The following RTN1 variants were observed in gnomAD, a reference collection of about 807,000 sequenced individuals.
The protein encoded by RTN1 is reticulon-1.
A neutral mutation model predicts 65.5 loss-of-function variants in RTN1; 25 were observed. The ratio of observed to expected loss-of-function variants is 0.38; its 90% CI spans 0.28 to 0.53. The LOEUF (loss-of-function observed/expected upper bound fraction) is 0.53. Ranked by LOEUF, RTN1 falls within the 20% of genes least tolerant of loss-of-function variation. The probability of loss-of-function intolerance (pLI) is 0.79; values close to 1 mark genes in which losing one functional copy is unlikely to be tolerated. For synonymous variants in RTN1, 471 were observed against 447.6 expected, an observed-to-expected ratio of 1.05 and a Z score of -0.66; for missense variants, 983 against 1,025.4, an observed-to-expected ratio of 0.96 and a Z score of 0.57.
chr14:59,787,288 G>A (rs576897465), intron 1 of RTN1, among the ~76,000 whole-genome samples: 2 of 152,222 alleles, frequency 1.3e-5, no homozygotes, highest in East Asian at 3.9e-4. Context: ...GCTCACTAGG[G>A]CTTGAATCCT....
In RTN1 at chr14:59,853,863, CTT is replaced by C. The variant is rs71111670; in HGVS notation, c.241+16525_241+16526del. On this transcript the variant is annotated intron_variant, in intron 1 of 8. Coordinates refer to ENST00000267484, the MANE Select transcript of RTN1 (RefSeq NM_021136.3). ...TGCAATTATCCCTATTAAACTTTTA[CTT>C]TTTTTTTTTTTTTTTTTGAGAGGGA... Among the ~76,000 whole-genome samples, 191 of 126,660 alleles carry C rather than the reference CTT, an allele frequency of 1.5e-3. 2 individuals carry two copies. The Middle Eastern group carries it at 0.022, about 15-fold the overall frequency. The allele number at this position is 126,660 out of a possible 152,430, so 83.1% of individuals were successfully genotyped here. A position where few individuals can be genotyped will look rare whatever the true frequency, so the allele number is the denominator to read the frequency against.
chr14:59,750,339 AT>A (rs1437414539), intron 1 of RTN1, among the ~76,000 whole-genome samples: 2 of 1,250 alleles, frequency 1.6e-3, no homozygotes, highest in Non-Finnish European at 4.3e-3. Context: ...AATATATTAT[AT>A]CTATAATATA....
At chr14:59,638,999 A>G (rs1566669168) in intron 3 of RTN1, among the ~76,000 whole-genome samples, 1 of 152,358 alleles carries the variant, frequency 6.6e-6, no homozygotes, top group East Asian at 1.9e-4. Flanking sequence ...CGTTTGATTT[A>G]AAGTGAGAGA....
chr14:59,789,076 CATTAAAA>C (rs1192510932), intron 1 of RTN1, among the ~76,000 whole-genome samples: 2 of 151,942 alleles, frequency 1.3e-5, no homozygotes, highest in Non-Finnish European at 2.9e-5. Flanking sequence ...ATTTGATTAT[CATTAAAA>C]GTATGTTCTT....
intron 3 of RTN1, among the ~76,000 whole-genome samples, chr14:59,623,002 C>T (rs1304417471): frequency 6.6e-6 from 1 of 152,182 alleles, no homozygotes; most frequent in Non-Finnish European, 1.5e-5. Flanking sequence ...ACACATTAAG[C>T]CTGGTGCTTT....
chr14:59,610,111 T>C, intron 3 of RTN1: 1 of 777,374 alleles, frequency 1.3e-6, no homozygotes, highest in Non-Finnish European at 2.4e-6. Context: ...TCTGAATGAA[T>C]TGCTTTATAC....
intron 3 of RTN1, among the ~76,000 whole-genome samples, chr14:59,686,593 C>A (rs1173810897): frequency 6.6e-6 from 1 of 152,132 alleles, no homozygotes; most frequent in Non-Finnish European, 1.5e-5. Context: ...AAGGACACCC[C>A]AGATCTCTAG....
intron 1 of RTN1, among the ~76,000 whole-genome samples, chr14:59,769,762 A>G (rs1490321431): frequency 1.3e-5 from 2 of 152,206 alleles, no homozygotes; most frequent in African/African-American, 4.8e-5. Context: ...GCTGCCCTCC[A>G]GGAGTTTACA....
rs550026432 is a variant in RTN1, at chr14:59,846,904, T to C, written c.241+23486A>G. ...CAGGAATAATCTGGAGGCTTAAAGA[T>C]AAATGCAAATGAAGAGCTCTGTACC... On this transcript the variant is annotated intron_variant, in intron 1 of 8. Transcript: ENST00000267484. This position sits in a 1 kb window ranked among gnomAD's most constrained non-coding sequence, Gnocchi z 4.8. Among the ~76,000 whole-genome samples, 1 of 152,268 alleles carries C rather than the reference T, an allele frequency of 6.6e-6. No individual in the cohort carries two copies. Among genetic ancestry groups the C allele is most frequent in the South Asian group, 2.1e-4 (1 of 4,826 alleles).
At chr14:59,643,967 T>C (rs1042421293) in intron 3 of RTN1, among the ~76,000 whole-genome samples, 1 of 152,152 alleles carries the variant, frequency 6.6e-6, no homozygotes, top group Non-Finnish European at 1.5e-5. Context: ...GCAGCTACTA[T>C]GAATATGTTC....
At chr14:59,649,603 A>C (rs1882980268) in intron 3 of RTN1, among the ~76,000 whole-genome samples, 1 of 152,368 alleles carries the variant, frequency 6.6e-6, no homozygotes, top group African/African-American at 2.4e-5. Context: ...ATGAACAGAC[A>C]CTTCTCAAAA....
chr14:59,771,092 T>C (rs1190488928), intron 1 of RTN1, among the ~76,000 whole-genome samples: 2 of 152,120 alleles, frequency 1.3e-5, no homozygotes, highest in African/African-American at 4.8e-5. Flanking sequence ...CCTTTCTATA[T>C]CAAAGTCATC....
rs148517298 is a variant in RTN1, at chr14:59,811,543, C to T, written c.241+58847G>A. ...TGTCAGGTCATCACAACTAGCAAGG[C>T]ATTTAAAAACTGGATATCCTAAACA... is the stretch of plus-strand genomic sequence containing the variant. On this transcript the variant is annotated intron_variant, in intron 1 of 8. Coordinates refer to ENST00000267484, the MANE Select transcript of RTN1 (RefSeq NM_021136.3). Among the ~76,000 whole-genome samples, 8 of 152,280 alleles carry T rather than the reference C, an allele frequency of 5.3e-5. No homozygotes were observed. In the East Asian group the frequency reaches 1.5e-3, roughly 29 times the overall value.
chr14:59,716,952 A>T (rs908566645), intron 3 of RTN1, among the ~76,000 whole-genome samples: 3 of 150,732 alleles, frequency 2.0e-5, no homozygotes, highest in Non-Finnish European at 4.4e-5. Flanking sequence ...TGGGCAACAG[A>T]GCGAGACTCC....
At chr14:59,707,448 T>C (rs1165603482) in intron 3 of RTN1, among the ~76,000 whole-genome samples, 2 of 152,226 alleles carry the variant, frequency 1.3e-5, no homozygotes, top group African/African-American at 4.8e-5. Context: ...TGTTTATTTG[T>C]ATACTATTAG....
chr14:59,701,481 T>C (rs1254220915), intron 3 of RTN1, among the ~76,000 whole-genome samples: 1 of 152,148 alleles, frequency 6.6e-6, no homozygotes, highest in Non-Finnish European at 1.5e-5. Context: ...TGGAATACTA[T>C]TTTGCCATAA....
At chr14:59,656,641 C>T (rs763239403) in intron 3 of RTN1, among the ~76,000 whole-genome samples, 11 of 152,350 alleles carry the variant, frequency 7.2e-5, no homozygotes, top group Non-Finnish European at 1.5e-4. Flanking sequence ...CCTCTGATCA[C>T]AGTACAACTC....
At chr14:59,683,266 C>T (rs987146350) in intron 3 of RTN1, among the ~76,000 whole-genome samples, 8 of 152,038 alleles carry the variant, frequency 5.3e-5, no homozygotes, top group African/African-American at 1.9e-4. Context: ...ATTTTCTGAT[C>T]TAAATATTTC....
rs938862710 is a variant in RTN1, at chr14:59,603,941, T to C, written c.2113-20A>G. 6.2e-7 allele frequency: 1 copy of C among 1,602,942 alleles called. No homozygotes were observed. The highest frequency in any genetic ancestry group is 1.1e-5 in the South Asian group (1 of 90,864). ...TGCAAACTGAAGAACGAAAGCATTA[T>C]TAGAGCTCCTAAAACCCTTCCTGAC... is the stretch of plus-strand genomic sequence containing the variant. On this transcript the variant is annotated intron_variant, in intron 5 of 8. Coordinates refer to ENST00000267484, the MANE Select transcript of RTN1 (RefSeq NM_021136.3).
Sources: allele counts gnomAD v4.1 joint callset (sites outside exome capture counted in the v4.1 genomes callset), GRCh38; gene constraint gnomAD v4.1.1; non-coding constraint Gnocchi (gnomAD v3.1); transcripts MANE v1.5; gene names NCBI Gene and HGNC (gene_info 2026-07-23, HGNC 2026-07-21).